The following SHISA9 variants were observed in gnomAD, a reference collection of about 807,000 sequenced individuals.
SHISA9 encodes the protein shisa family member 9, also known as protein shisa-9.
In SHISA9, 13 loss-of-function variants were observed where a neutral mutation model predicts 38.0. That is an observed-to-expected ratio of 0.34 (90% CI 0.22 to 0.54). The LOEUF (loss-of-function observed/expected upper bound fraction) is 0.54. Among genes scored for constraint, SHISA9 ranks in the 20% least tolerant of loss-of-function variants. SHISA9 has a pLI of 0.91. For synonymous variants in SHISA9, 275 were observed against 242.0 expected (o/e 1.14, Z -1.27); for missense variants, 538 against 575.8 (o/e 0.93, Z 0.67).
chr16:13,016,701 A>G (rs1472036205), intron 2 of SHISA9, among the ~76,000 whole-genome samples: 1 of 152,218 alleles, frequency 6.6e-6, no homozygotes, highest in Admixed American at 6.5e-5. Flanking sequence ...TTTCTGGCCT[A>G]TGACTATATT....
intron 4 of SHISA9, 140 bp downstream of exon 4, chr16:13,213,440 A>C: frequency 1.4e-6 from 1 of 710,148 alleles, no homozygotes; most frequent in Non-Finnish European, 2.4e-6. Context: ...AAGTCCGTCT[A>C]AGTTCCAGTG....
At chr16:13,126,766 A>G in intron 2 of SHISA9, among the ~76,000 whole-genome samples, 1 of 143,798 alleles carries the variant, frequency 7.0e-6, no homozygotes, top group Non-Finnish European at 1.5e-5. Flanking sequence ...AGAGAGAGGG[A>G]GAGAGAGCTG....
intron 2 of SHISA9, among the ~76,000 whole-genome samples, chr16:12,982,353 A>T (rs376523389): frequency 3.3e-5 from 5 of 152,384 alleles, no homozygotes; most frequent in African/African-American, 1.2e-4. Flanking sequence ...CATAGTGGAC[A>T]GGAAAGATTT....
the SHISA9 span, among the ~76,000 whole-genome samples, chr16:13,493,283 C>G: frequency 6.6e-6 from 1 of 152,004 alleles, no homozygotes; most frequent in East Asian, 2.0e-4. Flanking sequence ...AAAGCTATTA[C>G]AGATTTCTGG....
At chr16:12,975,656 C>CGGGGGGGGGGGGGGG (rs139081896) in intron 2 of SHISA9, among the ~76,000 whole-genome samples, 1 of 109,496 alleles carries the variant, frequency 9.1e-6, no homozygotes, top group African/African-American at 3.7e-5. Flanking sequence ...GGGACGGGGG[C>CGGGGGGGGGGGGGGG]GGGGGGGGTA....
chr16:13,306,095 A>T, the SHISA9 span, among the ~76,000 whole-genome samples: 1 of 152,182 alleles, frequency 6.6e-6, no homozygotes, highest in Non-Finnish European at 1.5e-5. Flanking sequence ...CAGGGCTTTG[A>T]AGTAGGAGTA....
intron 2 of SHISA9, among the ~76,000 whole-genome samples, chr16:13,052,674 A>G (rs1182183500): frequency 1.3e-5 from 2 of 152,224 alleles, no homozygotes; most frequent in Middle Eastern, 3.4e-3. Flanking sequence ...AGTTGTTTCT[A>G]TTTTCCTGGA....
chr16:13,310,240 A>T, the SHISA9 span, among the ~76,000 whole-genome samples: 1 of 152,110 alleles, frequency 6.6e-6, no homozygotes, highest in Admixed American at 6.5e-5. Flanking sequence ...AAGCTTTTCC[A>T]TTCAACTCGT....
intron 2 of SHISA9, among the ~76,000 whole-genome samples, chr16:13,002,623 C>G (rs937179177): frequency 6.6e-6 from 1 of 150,874 alleles, no homozygotes; most frequent in Non-Finnish European, 1.5e-5. Flanking sequence ...ACCTCCACCC[C>G]CTGGGCTCAA....
At chr16:13,411,104 C>T in the SHISA9 span, among the ~76,000 whole-genome samples, 1 of 152,128 alleles carries the variant, frequency 6.6e-6, no homozygotes, top group African/African-American at 2.4e-5. Context: ...GGTTTTCATC[C>T]CATATCCGTC....
At chr16:13,254,185 G>T in the SHISA9 span, among the ~76,000 whole-genome samples, 1 of 152,156 alleles carries the variant, frequency 6.6e-6, no homozygotes, top group African/African-American at 2.4e-5. Flanking sequence ...TACATTAGCA[G>T]TTGTCTTCAC....
At chr16:13,106,966 TTCTCTCTCTCTCTCTCTC>T (rs56109043) in intron 2 of SHISA9, among the ~76,000 whole-genome samples, 9 of 145,206 alleles carry the variant, frequency 6.2e-5, no homozygotes, top group African/African-American at 2.3e-4. Flanking sequence ...CTTTCTCACG[TTCTCTCTCTCTCTCTCTC>T]TCTCTCTCTC....
At chr16:13,033,516 A>G (rs1418886099) in intron 2 of SHISA9, among the ~76,000 whole-genome samples, 1 of 152,202 alleles carries the variant, frequency 6.6e-6, no homozygotes, top group Non-Finnish European at 1.5e-5. Flanking sequence ...TGCCAAGTCC[A>G]AACTTCCCAG....
chr16:13,397,549 C>A, the SHISA9 span, among the ~76,000 whole-genome samples: 2 of 152,182 alleles, frequency 1.3e-5, no homozygotes, highest in Non-Finnish European at 2.9e-5. Flanking sequence ...ATTCTCCTGC[C>A]TCAGCCTCCT....
the SHISA9 span, among the ~76,000 whole-genome samples, chr16:13,546,239 CA>C: frequency 1.3e-5 from 2 of 152,160 alleles, no homozygotes; most frequent in African/African-American, 4.8e-5. Context: ...ATCTCTTACC[CA>C]GAAAAGAAGA....
chr16:13,412,721 G>T, the SHISA9 span, among the ~76,000 whole-genome samples: 1 of 152,048 alleles, frequency 6.6e-6, no homozygotes, highest in Non-Finnish European at 1.5e-5. Context: ...GCTGGGTGTG[G>T]TGGCACACAC....
intron 2 of SHISA9, among the ~76,000 whole-genome samples, chr16:12,963,361 T>C (rs2071935854): frequency 6.6e-6 from 1 of 152,170 alleles, no homozygotes; most frequent in Non-Finnish European, 1.5e-5. Flanking sequence ...ACCAAATGTG[T>C]ATGCAACATG....
chr16:13,476,053 G>A, the SHISA9 span, among the ~76,000 whole-genome samples: 2 of 152,110 alleles, frequency 1.3e-5, no homozygotes, highest in Non-Finnish European at 2.9e-5. Flanking sequence ...ACTACCACCC[G>A]TCTGCAGCCT....
chr16:13,117,031 C>T (rs544589570), intron 2 of SHISA9, among the ~76,000 whole-genome samples: 42 of 152,138 alleles, frequency 2.8e-4, no homozygotes, highest in South Asian at 6.2e-4. Context: ...AGTGCAGTGG[C>T]GAGTGATCTC....
Sources: allele counts gnomAD v4.1 joint callset (sites outside exome capture counted in the v4.1 genomes callset), GRCh38; gene constraint gnomAD v4.1.1; transcripts MANE v1.5; gene names NCBI Gene and HGNC (gene_info 2026-07-23, HGNC 2026-07-21).